The following MPO variants were observed in gnomAD, a reference collection of about 807,000 sequenced individuals.
MPO encodes myeloperoxidase.
MPO carries 57 observed loss-of-function variants against 69.4 expected under a neutral mutation model. The ratio of observed to expected loss-of-function variants is 0.82; its 90% CI spans 0.66 to 1.02. The LOEUF (loss-of-function observed/expected upper bound fraction) is 1.02, where lower values mean the gene tolerates loss of function less well. Ranked by LOEUF, MPO falls within the 50% of genes least tolerant of loss-of-function variation. MPO has a pLI of 0.00. For missense variants in MPO, 971 were observed against 1,014.1 expected (o/e 0.96, Z 0.58); for synonymous variants, 426 against 417.1 (o/e 1.02, Z -0.26).
At chr17:58,279,236 T>G in intron 5 of MPO, 22 bp from the exon 6 acceptor site, 1 of 1,584,270 alleles carries the variant, frequency 6.3e-7, no homozygotes, top group Non-Finnish European at 8.6e-7. Flanking sequence ...GGAGATCAGC[T>G]GGCGCCTGGG....
At position 58,279,178 on chromosome 17, in the gene MPO, T is replaced by C. The variant is rs1161009764; in HGVS notation, c.715A>G (p.Thr239Ala). 6.2e-7 allele frequency: 1 copy of C among 1,610,462 alleles called. No homozygotes were observed. The highest frequency in any genetic ancestry group is 1.3e-5 in the African/African-American group (1 of 74,798). Reference sequence around the variant, plus strand: ...TCCTGGTCCGGAGTCAGCTGATCAGTGGGGAAGCGCACGATCTCGTTGGAG... The same window carrying C: ...TCCTGGTCCGGAGTCAGCTGATCAGCGGGGAAGCGCACGATCTCGTTGGAG... Reference protein sequence around the residue: ...AVSNEIVRFPTDQLTPDQERS... With the variant: ...AVSNEIVRFPADQLTPDQERS... Residue 239 changes from threonine to alanine, a missense_variant, in exon 6 of 12, where the codon ACT becomes GCT. Thr to Ala is a moderately conservative substitution (Grantham distance 58). Coordinates refer to ENST00000225275, the MANE Select transcript of MPO (RefSeq NM_000250.2).
At chr17:58,278,970 C>T (rs886969187) in intron 6 of MPO, 38 bp downstream of exon 6, 8 of 1,573,380 alleles carry the variant, frequency 5.1e-6, no homozygotes, top group Non-Finnish European at 6.0e-6. Flanking sequence ...ACAATCTCCC[C>T]TCTCCCAACC....
intron 8 of MPO, chr17:58,274,347 A>AGTGTGTGTGTGTGT (rs55893734): frequency 3.3e-4 from 112 of 334,750 alleles, no homozygotes; most frequent in African/African-American, 1.2e-3. Context: ...AGAATCTAGG[A>AGTGTGTGTGTGTGT]GTGTGTGTGT....
At position 58,270,477 on chromosome 17, in the gene MPO, G is replaced by A. The variant is rs996777543; in HGVS notation, c.*179C>T. ...CTCCCCATGTTCAGACAACACACAC[G>A]CATGAAAAGCCAATTTATATACTTC... On this transcript the variant is annotated 3_prime_UTR_variant, in exon 12 of 12. Transcript: ENST00000225275. This position sits in a 1 kb window ranked among gnomAD's most constrained non-coding sequence, Gnocchi z 4.1. 4.6e-5 allele frequency: 30 copies of A among 655,282 alleles called. No individual in the cohort carries two copies. Among genetic ancestry groups the A allele is most frequent in the South Asian group, 4.0e-4 (24 of 60,432 alleles). The allele number at this position is 655,282 out of a possible 1,614,324, so 40.6% of individuals were successfully genotyped here.
chr17:58,273,594 A>T lies in MPO; in HGVS notation c.1441T>A (p.Ser481Thr), dbSNP rs1248698034. 3 of 1,614,080 alleles carry T rather than the reference A, an allele frequency of 1.9e-6. No individual in the cohort carries two copies. The highest frequency in any genetic ancestry group is 2.5e-6 in the Non-Finnish European group (3 of 1,180,040). The change falls in exon 9 of 12, where the codon TCC becomes ACC. Residue 481 changes from serine to threonine, a missense_variant. By Grantham distance (58) the Ser-to-Thr change is moderately conservative (BLOSUM62 1). Transcript: ENST00000225275. Reference protein sequence around the residue: ...AMRKYLPTYRSYNDSVDPRIA... With the variant: ...AMRKYLPTYRTYNDSVDPRIA... ...CGTGGGTCCACTGAGTCATTGTAGG[A>T]ACGGTACGTGGGCAGGTACTTCCTC...
At chr17:58,278,919 A>T in intron 6 of MPO, 89 bp downstream of exon 6, 1 of 1,458,486 alleles carries the variant, frequency 6.9e-7, no homozygotes, top group Non-Finnish European at 9.3e-7. Flanking sequence ...GCGTCTGGGA[A>T]AGGAAACCTG....
In MPO at chr17:58,279,425, G is replaced by A. The variant is rs763622732; in HGVS notation, c.550C>T (p.Arg184Cys). Reference protein sequence around the residue: ...RTITGMCNNRRSPTLGASNRA... With the variant: ...RTITGMCNNRCSPTLGASNRA... ...TTGGAGGCCCCCAGCGTGGGGCTGC[G>A]TCTGCAGGGGAGGACAGGGCGCTGA... The change falls in exon 5 of 12, where the codon CGC becomes TGC. Residue 184 changes from arginine (R) to cysteine (C), a missense_variant and splice_region_variant. Coordinates refer to ENST00000225275, the MANE Select transcript of MPO (RefSeq NM_000250.2). The A allele has an allele frequency of 1.7e-5, 28 of 1,610,406 alleles. No individual in the cohort carries two copies. The highest frequency in any genetic ancestry group is 2.3e-5 in the Non-Finnish European group (27 of 1,178,750).
Position 58,279,591 on chromosome 17 carries a change from G to A in MPO, c.480C>T (p.Tyr160=). 6.2e-7 allele frequency: 1 copy of A among 1,614,184 alleles called. No individual in the cohort carries two copies. The highest frequency in any genetic ancestry group is 8.5e-7 in the Non-Finnish European group (1 of 1,180,048). Reference sequence around the variant, plus strand: ...CCGGGCAAGTCACCCCCACGTCCTGGTAGGCGCAGCCGCTTGACTTGGACA... The same window carrying A: ...CCGGGCAAGTCACCCCCACGTCCTGATAGGCGCAGCCGCTTGACTTGGACA... ...NVLSKSSGCA[Y]QDVGVTCPEQ... is the part of the protein sequence containing the mutation. The change falls in exon 4 of 12, where the codon TAC becomes TAT. Residue 160 remains tyrosine (Y), a synonymous_variant. Transcript: ENST00000225275.
intron 9 of MPO, among the ~76,000 whole-genome samples, chr17:58,273,154 C>T (rs574435269): frequency 6.6e-6 from 1 of 152,304 alleles, no homozygotes; most frequent in South Asian, 2.1e-4. Flanking sequence ...GATTGGGATG[C>T]TCCCAGGCCC....
chr17:58,272,035 A>C, intron 10 of MPO, 143 bp from the exon 11 acceptor site: 1 of 863,946 alleles, frequency 1.2e-6, no homozygotes. Flanking sequence ...TCATAGAGGG[A>C]GGGAAGGACC....
At position 58,275,713 on chromosome 17, in the gene MPO, C is replaced by G; in HGVS notation, c.1205-11G>C. On this transcript the variant is annotated splice_polypyrimidine_tract_variant and intron_variant, in intron 7 of 11. Transcript: ENST00000225275. This position sits in a 1 kb window ranked among gnomAD's most constrained non-coding sequence, Gnocchi z 4.1. ...TGGAACGGGTGTCCCCTTGGGGAGGCAAAAGCCACTGTCATTCTTAAGGCC... is the reference window on the plus strand; with the variant it reads ...TGGAACGGGTGTCCCCTTGGGGAGGGAAAAGCCACTGTCATTCTTAAGGCC... 6.2e-7 allele frequency: 1 copy of G among 1,614,096 alleles called. No individual in the cohort carries two copies. Among genetic ancestry groups the G allele is most frequent in the Non-Finnish European group, 8.5e-7 (1 of 1,180,008 alleles).
rs761742678 is a variant in MPO, at chr17:58,278,070, C to A, written c.961G>T (p.Gly321Trp). The A allele has an allele frequency of 2.5e-6, 4 of 1,611,582 alleles. No homozygotes were observed. Among genetic ancestry groups the A allele is most frequent in the South Asian group, 2.2e-5 (2 of 91,082 alleles). The change falls in exon 7 of 12, where the codon GGG (glycine) becomes TGG (tryptophan). Residue 321 changes from glycine to tryptophan, a missense_variant. By Grantham distance (184) the Gly-to-Trp change is radical (BLOSUM62 -2). Transcript: ENST00000225275. ...TGGTTGCGGATGGTGATGTTGCTCCCGGGGCAAGCCGGGCAGGAGCGGAAG... is the reference window on the plus strand; with the variant it reads ...TGGTTGCGGATGGTGATGTTGCTCCAGGGGCAAGCCGGGCAGGAGCGGAAG... ...PFFRSCPACP[G>W]SNITIRNQIN...
chr17:58,279,154 C>A lies in MPO; in HGVS notation c.739G>T (p.Glu247Ter). Residue 247 changes from glutamate to a stop codon, truncating the protein, a stop_gained, in exon 6 of 12, where the codon GAG (glutamate) becomes TAG (stop). Coordinates refer to ENST00000225275, the MANE Select transcript of MPO (RefSeq NM_000250.2). LOFTEE classifies it high-confidence loss of function. ...FPTDQLTPDQ[E>*]RSLMFMQWGQ... ...CATTGCATGAACATGAGTGAGCGCT[C>A]CTGGTCCGGAGTCAGCTGATCAGTG... 6.2e-7 allele frequency: 1 copy of A among 1,612,428 alleles called. No individual in the cohort carries two copies. The highest frequency in any genetic ancestry group is 2.2e-5 in the East Asian group (1 of 44,818).
At position 58,279,027 on chromosome 17, in the gene MPO, G is replaced by A. The variant is rs774620697; in HGVS notation, c.866C>T (p.Pro289Leu). The A allele has an allele frequency of 1.9e-6, 3 of 1,610,942 alleles. No individual in the cohort carries two copies. The highest frequency in any genetic ancestry group is 2.5e-6 in the Non-Finnish European group (3 of 1,179,302). ...VNCETSCVQQ[P>L]PCFPLKIPPN... ...GGCCACCTTGAGCGGGAAGCAGGGC[G>A]GCTGCTGAACGCAGCTGGTCTCGCA... The change falls in exon 6 of 12, where the codon CCG (proline) becomes CTG (leucine). Residue 289 changes from proline to leucine, a missense_variant. Physicochemically the swap from Pro to Leu is moderately conservative, Grantham distance 98 (BLOSUM62 -3). Transcript: ENST00000225275.
intron 10 of MPO, 47 bp downstream of exon 10, chr17:58,272,701 C>G: frequency 6.3e-7 from 1 of 1,589,832 alleles, no homozygotes; most frequent in Non-Finnish European, 8.6e-7. Flanking sequence ...ACCTAGGAGG[C>G]AGCTCAGGGG....
rs1339003063 is a variant in MPO, at chr17:58,280,645, G to A, written c.114C>T (p.Ala38=). The A allele has an allele frequency of 6.2e-7, 1 of 1,614,216 alleles. No individual in the cohort carries two copies. Among genetic ancestry groups the A allele is most frequent in the East Asian group, 2.2e-5 (1 of 44,886 alleles). The change falls in exon 1 of 12, where the codon GCC becomes GCT. Residue 38 remains alanine (A), a synonymous_variant. Coordinates refer to ENST00000225275, the MANE Select transcript of MPO (RefSeq NM_000250.2). ...KLLLALAGLL[A]ILATPQPSEG... Reference sequence around the variant, plus strand: ...CAGAGGGCTGGGGCGTGGCCAGAATGGCCAGGAGCCCTGCTAGGGCCAGAA... The same window carrying A: ...CAGAGGGCTGGGGCGTGGCCAGAATAGCCAGGAGCCCTGCTAGGGCCAGAA...
rs1196844255 is a variant in MPO, at chr17:58,274,345, G to GGAGT, written c.1366-680_1366-677dup. ...CGAAAACTCTCTCCTCCAGAATCTA[G>GGAGT]GAGTGTGTGTGTGTGTGTGTGTGTG... On this transcript the variant is annotated intron_variant, in intron 8 of 11. Transcript: ENST00000225275. 1.1e-4 allele frequency: 38 copies of GGAGT among 357,446 alleles called. No individual in the cohort carries two copies. The African/African-American group carries it at 1.2e-3, about 11-fold the overall frequency. The allele number at this position is 357,446 out of a possible 1,614,324, so 22.1% of individuals were successfully genotyped here.
chr17:58,278,170 T>G (rs1339561911), intron 6 of MPO, 25 bp from the exon 7 acceptor site: 1 of 1,598,804 alleles, frequency 6.3e-7, no homozygotes, highest in Non-Finnish European at 8.5e-7. Context: ...GAGGCTAGAC[T>G]GGCTCACCGA....
rs150925221 is a variant in MPO, at chr17:58,270,793, G to A, written c.2101C>T (p.Arg701Trp). The A allele has an allele frequency of 2.9e-5, 46 of 1,613,918 alleles. No individual in the cohort carries two copies. Among genetic ancestry groups the A allele is most frequent in the African/African-American group, 2.5e-4 (19 of 74,906 alleles). Residue 701 changes from arginine (R) to tryptophan (W), a missense_variant, in exon 12 of 12, where the codon CGG becomes TGG. Transcript: ENST00000225275. The surrounding 1 kb of genome is among the most constrained non-coding windows in gnomAD (Gnocchi z 4.1). Reference protein sequence around the residue: ...RQALAQISLPRIICDNTGITT... With the variant: ...RQALAQISLPWIICDNTGITT... ...ATGCCTGTGTTGTCGCAGATGATCCGGGGCAATGAGATCTGGGCCAGGGCC... is the reference window on the plus strand; with the variant it reads ...ATGCCTGTGTTGTCGCAGATGATCCAGGGCAATGAGATCTGGGCCAGGGCC...
Sources: allele counts gnomAD v4.1 joint callset (sites outside exome capture counted in the v4.1 genomes callset), GRCh38; gene constraint gnomAD v4.1.1; non-coding constraint Gnocchi (gnomAD v3.1); transcripts MANE v1.5; gene names NCBI Gene and HGNC (gene_info 2026-07-23, HGNC 2026-07-21).